GSE1: variants seen among roughly 807,000 people sequenced by gnomAD.
The protein encoded by GSE1 is genetic suppressor element 1.
GSE1 carries 32 observed loss-of-function variants against 112.6 expected under a neutral mutation model. That is an observed-to-expected ratio of 0.28 (90% CI 0.21 to 0.38). GSE1 has a LOEUF of 0.38. GSE1 is among the 10% of genes least tolerant of loss of function. The pLI, the probability that GSE1 is intolerant of heterozygous loss-of-function variation, is 1.00. For missense variants in GSE1, 2,348 were observed against 1,699.2 expected, an observed-to-expected ratio of 1.38 and a Z score of -6.71; for synonymous variants, 1,115 against 735.6, an observed-to-expected ratio of 1.52 and a Z score of -8.35.
chr16:85,417,329 C>G (rs563286835), intron 2 of GSE1, among the ~76,000 whole-genome samples: 8 of 152,202 alleles, frequency 5.3e-5, no homozygotes, highest in Non-Finnish European at 1.2e-4. Context: ...AGATGTCCCC[C>G]TGGGGGCAAC....
intron 1 of GSE1, among the ~76,000 whole-genome samples, chr16:85,624,997 C>G (rs2048974317): frequency 6.6e-6 from 1 of 152,194 alleles, no homozygotes; most frequent in Non-Finnish European, 1.5e-5. Context: ...TAGCCGGCGC[C>G]CTGTAAAAGT....
intron 12 of GSE1, 37 bp downstream of exon 12, chr16:85,665,165 AC>A (rs755456001): frequency 7.8e-7 from 1 of 1,278,114 alleles, no homozygotes; most frequent in South Asian, 1.2e-5. Flanking sequence ...ACCACCCAGG[AC>A]CATCCCATGG....
At position 85,656,400 on chromosome 16, in the gene GSE1, T is replaced by C. The variant is rs111733333; in HGVS notation, c.1047T>C (p.Arg349=). The change falls in exon 7 of 16, where the codon CGT becomes CGC. Residue 349 remains arginine, a synonymous_variant. Transcript: ENST00000253458. ...GGGAGCGCGAGCGCGAGCGCGAGCG[T>C]GAGCGTGAGGCTGACCGCGAGCGGG... ...RERERERERE[R]EREADREREK... is the part of the protein sequence containing the mutation. 2,343 of 1,450,848 alleles carry C rather than the reference T, an allele frequency of 1.6e-3. 7 individuals are homozygous for C. The highest frequency in any genetic ancestry group is 0.013 in the African/African-American group (603 of 47,922). The allele number at this position is 1,450,848 out of a possible 1,614,324, so 89.9% of individuals were successfully genotyped here. A position where few individuals can be genotyped will look rare whatever the true frequency, so the allele number is the denominator to read the frequency against.
At chr16:85,337,795 G>A (rs1483199162) in intron 1 of GSE1, among the ~76,000 whole-genome samples, 5 of 152,366 alleles carry the variant, frequency 3.3e-5, no homozygotes, top group South Asian at 4.1e-4. Context: ...CACACCTGGC[G>A]TCTGAAATGG....
intron 1 of GSE1, among the ~76,000 whole-genome samples, chr16:85,568,064 A>G (rs1291486955): frequency 6.6e-6 from 1 of 152,094 alleles, no homozygotes; most frequent in Non-Finnish European, 1.5e-5. Context: ...ACCCTTCTAG[A>G]AGGGCATGGG....
chr16:85,308,118 T>A (rs2045731421), intron 1 of GSE1, among the ~76,000 whole-genome samples: 1 of 152,188 alleles, frequency 6.6e-6, no homozygotes, highest in Non-Finnish European at 1.5e-5. Flanking sequence ...TTCAGAAGAC[T>A]CCGAGTAAGT....
At chr16:85,480,927 C>G (rs887412228) in intron 2 of GSE1, among the ~76,000 whole-genome samples, 3 of 152,236 alleles carry the variant, frequency 2.0e-5, no homozygotes, top group Non-Finnish European at 4.4e-5. Flanking sequence ...GGCGGTGCCC[C>G]CAGGGAGCAG....
At chr16:85,591,300 A>G (rs990141785) in intron 1 of GSE1, among the ~76,000 whole-genome samples, 1 of 152,134 alleles carries the variant, frequency 6.6e-6, no homozygotes, top group African/African-American at 2.4e-5. Flanking sequence ...GTTTAACTCT[A>G]GTTTCCCCTC....
At chr16:85,280,944 G>A (rs1262258841) in intron 1 of GSE1, among the ~76,000 whole-genome samples, 1 of 152,144 alleles carries the variant, frequency 6.6e-6, no homozygotes, top group Non-Finnish European at 1.5e-5. Context: ...TCCTGGCGTT[G>A]CCTGCCCAGG....
chr16:85,563,849 G>C (rs1011390829), intron 1 of GSE1, among the ~76,000 whole-genome samples: 31 of 152,262 alleles, frequency 2.0e-4, no homozygotes, highest in African/African-American at 6.8e-4. Context: ...GGCACGTGCA[G>C]GTCCTGCTCC....
chr16:85,476,392 C>T (rs1042402934), intron 2 of GSE1, among the ~76,000 whole-genome samples: 2 of 152,154 alleles, frequency 1.3e-5, no homozygotes, highest in Non-Finnish European at 2.9e-5. Flanking sequence ...TCTTCTAATC[C>T]CCCCATACAC....
intron 2 of GSE1, among the ~76,000 whole-genome samples, chr16:85,493,253 C>G (rs1390688279): frequency 6.6e-6 from 1 of 152,094 alleles, no homozygotes; most frequent in Admixed American, 6.5e-5. Flanking sequence ...AGTTCAAGAC[C>G]AGCCTGAGTG....
chr16:85,564,247 G>A (rs1478259839), intron 1 of GSE1, among the ~76,000 whole-genome samples: 1 of 152,168 alleles, frequency 6.6e-6, no homozygotes, highest in Non-Finnish European at 1.5e-5. Context: ...GGTGAGTGAG[G>A]CTGGGAGGAA....
chr16:85,317,096 C>G (rs189368040), intron 1 of GSE1, among the ~76,000 whole-genome samples: 1 of 152,328 alleles, frequency 6.6e-6, no homozygotes, highest in African/African-American at 2.4e-5. Flanking sequence ...TCTATTTAAC[C>G]ATGAGCGTTT....
At chr16:85,181,284 A>G (rs2074578438) in intron 1 of GSE1, among the ~76,000 whole-genome samples, 1 of 152,158 alleles carries the variant, frequency 6.6e-6, no homozygotes, top group Non-Finnish European at 1.5e-5. Context: ...CCATGGGCGG[A>G]TGGTATCATT....
intron 8 of GSE1, among the ~76,000 whole-genome samples, chr16:85,658,804 C>CT: frequency 6.6e-6 from 1 of 151,990 alleles, no homozygotes; most frequent in Non-Finnish European, 1.5e-5. Flanking sequence ...CTGTAGGCAT[C>CT]TTCTTCCTCA....
intron 1 of GSE1, among the ~76,000 whole-genome samples, chr16:85,603,407 A>G (rs1221816607): frequency 3.3e-5 from 5 of 152,244 alleles, no homozygotes; most frequent in Admixed American, 6.5e-5. Context: ...GGGAGTTTCC[A>G]GGGGATGCTT....
intron 2 of GSE1, among the ~76,000 whole-genome samples, chr16:85,537,170 T>C (rs2044359190): frequency 6.6e-6 from 1 of 152,188 alleles, no homozygotes; most frequent in Non-Finnish European, 1.5e-5. Flanking sequence ...GGAAGGCAGG[T>C]GACGCAGGGC....
At chr16:85,346,104 G>T (rs1408619544) in intron 1 of GSE1, among the ~76,000 whole-genome samples, 1 of 149,590 alleles carries the variant, frequency 6.7e-6, no homozygotes, top group Non-Finnish European at 1.5e-5. Context: ...GGGCGGGCGG[G>T]TGGATGATGG....
Sources: allele counts gnomAD v4.1 joint callset (sites outside exome capture counted in the v4.1 genomes callset), GRCh38; gene constraint gnomAD v4.1.1; transcripts MANE v1.5; gene names NCBI Gene and HGNC (gene_info 2026-07-23, HGNC 2026-07-21).